The following RAB43 variants were observed in gnomAD, a reference collection of about 807,000 sequenced individuals.
The protein encoded by RAB43 is RAB43, member RAS oncogene family, also known as ras-related protein Rab-43.
A neutral mutation model predicts 18.8 loss-of-function variants in RAB43; 6 were observed. That is an observed-to-expected ratio of 0.32 (90% confidence interval 0.17 to 0.63). The LOEUF (loss-of-function observed/expected upper bound fraction) is 0.63, where lower values mean the gene tolerates loss of function less well. RAB43 is among the 30% of genes least tolerant of loss of function. The pLI, the probability that RAB43 is intolerant of heterozygous loss-of-function variation, is 0.79. For missense variants in RAB43, 195 were observed against 289.1 expected, an observed-to-expected ratio of 0.67 and a Z score of 2.36; for synonymous variants, 103 against 124.1, an observed-to-expected ratio of 0.83 and a Z score of 1.13.
At chr3:129,103,100 C>T (rs1005343669) in intron 1 of RAB43, among the ~76,000 whole-genome samples, 19 of 152,308 alleles carry the variant, frequency 1.2e-4, no homozygotes, top group East Asian at 5.8e-4. Flanking sequence ...CTCTGAGGGG[C>T]GCTGGGACTC....
chr3:129,091,168 G>C lies in RAB43; in HGVS notation c.567C>G (p.Phe189Leu). ...GGATGTGGTCGGGGCTCTTCTCGCT[G>C]AACAAGGGGCCCCCGTGCCGCATGA... ...ELIMRHGGPL[F>L]SEKSPDHIQL... The change falls in exon 3 of 3, where the codon TTC becomes TTG. Residue 189 changes from phenylalanine to leucine, a missense_variant. Coordinates refer to ENST00000315150, the MANE Select transcript of RAB43 (RefSeq NM_198490.3). 1.9e-6 allele frequency: 3 copies of C among 1,572,826 alleles called. No homozygotes were observed. The highest frequency in any genetic ancestry group is 2.6e-6 in the Non-Finnish European group (3 of 1,154,752).
intron 1 of RAB43, among the ~76,000 whole-genome samples, chr3:129,109,150 C>T (rs1281739073): frequency 1.3e-5 from 2 of 152,048 alleles, no homozygotes; most frequent in African/African-American, 2.4e-5. Context: ...GTGGCTCACA[C>T]CTGTAATCCC....
At chr3:129,114,976 A>AC (rs1216688357) in intron 1 of RAB43, among the ~76,000 whole-genome samples, 2 of 150,686 alleles carry the variant, frequency 1.3e-5, no homozygotes, top group Admixed American at 6.6e-5. Flanking sequence ...CCTGACCCCC[A>AC]CCCCCCGCAA....
chr3:129,113,555 C>A (rs1935305876), intron 1 of RAB43, among the ~76,000 whole-genome samples: 1 of 152,156 alleles, frequency 6.6e-6, no homozygotes, highest in African/African-American at 2.4e-5. Context: ...CAGGTGAAAA[C>A]CTCTAACAAG....
intron 1 of RAB43, among the ~76,000 whole-genome samples, chr3:129,114,472 G>T (rs1421006995): frequency 6.6e-6 from 1 of 152,114 alleles, no homozygotes; most frequent in Non-Finnish European, 1.5e-5. Context: ...TCTCCCACAG[G>T]GTGGCTATGA....
At chr3:129,114,803 C>T (rs1033694402) in intron 1 of RAB43, among the ~76,000 whole-genome samples, 4 of 152,204 alleles carry the variant, frequency 2.6e-5, no homozygotes, top group Non-Finnish European at 5.9e-5. Flanking sequence ...TTCCCACAAT[C>T]CCTGATCAGT....
chr3:129,101,906 C>T (rs779932605), intron 1 of RAB43, among the ~76,000 whole-genome samples: 12 of 152,206 alleles, frequency 7.9e-5, no homozygotes, highest in Admixed American at 2.0e-4. Context: ...CCAGCCACTG[C>T]TGCAGCAACC....
chr3:129,099,548 G>A (rs765480101), intron 1 of RAB43, among the ~76,000 whole-genome samples: 18 of 152,004 alleles, frequency 1.2e-4, no homozygotes, highest in Non-Finnish European at 2.4e-4. Context: ...CATCACACCC[G>A]GCTAATTTTG....
intron 1 of RAB43, among the ~76,000 whole-genome samples, chr3:129,117,593 TAAACC>T (rs1206841897): frequency 6.6e-6 from 1 of 152,240 alleles, no homozygotes; most frequent in Non-Finnish European, 1.5e-5. Flanking sequence ...TGGTTAATAA[TAAACC>T]AAACACCCTA....
rs186838565 is a variant in RAB43 at position 129,106,251 on chromosome 3, T to G, written c.205-11082A>C. 7.9e-5 allele frequency among the ~76,000 whole-genome samples: 12 copies of G among 152,328 alleles called. 1 individual carries two copies. In the East Asian group the frequency reaches 2.1e-3, roughly 27 times the overall value. On this transcript the variant is annotated intron_variant, in intron 1 of 2. Coordinates refer to ENST00000315150, the MANE Select transcript of RAB43 (RefSeq NM_198490.3). ...GAGTAACGAAGCAGGCAGTGGAAAG[T>G]TCCTTGCTTCTTCATATTAGAGAGG...
At chr3:129,115,478 T>C (rs553233648) in intron 1 of RAB43, among the ~76,000 whole-genome samples, 3 of 151,496 alleles carry the variant, frequency 2.0e-5, no homozygotes, top group African/African-American at 7.3e-5. Flanking sequence ...CACTCCAGCC[T>C]GGGCAACAAG....
rs985853947 is a variant in RAB43 at position 129,107,546 on chromosome 3, G to A, written c.205-12377C>T. Among the ~76,000 whole-genome samples the A allele has an allele frequency of 7.2e-5, 11 of 152,150 alleles. No individual in the cohort carries two copies. Among genetic ancestry groups the A allele is most frequent in the African/African-American group, 2.7e-4 (11 of 41,422 alleles). ...GGGGTAATGAGGAAACCAAGGCAGC[G>A]TGCAGGAGCTCGCGGTGGGCACCGC... On this transcript the variant is annotated intron_variant, in intron 1 of 2. Transcript: ENST00000315150. The surrounding 1 kb of genome is among the most constrained non-coding windows in gnomAD (Gnocchi z 4.2).
chr3:129,118,622 T>C (rs948793620), intron 1 of RAB43, among the ~76,000 whole-genome samples: 52 of 152,288 alleles, frequency 3.4e-4, no homozygotes, highest in Admixed American at 3.0e-3. Context: ...GGGAAAGCTT[T>C]AGGATATAAG....
At chr3:129,100,903 T>C (rs1458119984) in intron 1 of RAB43, among the ~76,000 whole-genome samples, 1 of 152,218 alleles carries the variant, frequency 6.6e-6, no homozygotes, top group African/African-American at 2.4e-5. Flanking sequence ...GTCTCCCAGG[T>C]TGAAGCGATT....
Position 129,121,331 on chromosome 3 carries a change from G to A in RAB43, c.159C>T (p.Val53=), listed in dbSNP as rs370977422. ...TCTCCAGCGTCTTCATGGTGAAGTC[G>A]ACGCCGATGGTGCTTCCCTGGCGCT... ...FSERQGSTIG[V]DFTMKTLEIQ... is the part of the protein sequence containing the mutation. Residue 53 remains valine, a synonymous_variant, in exon 1 of 3, where the codon GTC becomes GTT. Transcript: ENST00000315150. The A allele has an allele frequency of 3.1e-6, 5 of 1,610,050 alleles. No homozygotes were observed. The highest frequency in any genetic ancestry group is 4.2e-6 in the Non-Finnish European group (5 of 1,178,394).
chr3:129,109,064 C>CAAA (rs758480697), intron 1 of RAB43, among the ~76,000 whole-genome samples: 5 of 117,002 alleles, frequency 4.3e-5, no homozygotes, highest in East Asian at 4.7e-4. Flanking sequence ...GTGACTCCTA[C>CAAA]AAAAAAAAAA....
chr3:129,095,232 T>C lies in RAB43; in HGVS notation c.205-63A>G. The C allele has an allele frequency of 6.4e-7, 1 of 1,568,504 alleles. No homozygotes were observed. The highest frequency in any genetic ancestry group is 8.7e-7 in the Non-Finnish European group (1 of 1,155,610). On this transcript the variant is annotated intron_variant, in intron 1 of 2. Coordinates refer to ENST00000315150, the MANE Select transcript of RAB43 (RefSeq NM_198490.3). The surrounding 1 kb of genome is among the most constrained non-coding windows in gnomAD (Gnocchi z 4.2). The stretch of plus-strand genomic sequence containing the variant: ...AGGCTGAACATGGGGACAGGCAGAG[T>C]GACCCCACAGACCCACACCCAGAGC...
chr3:129,104,878 C>T (rs1165132167), intron 1 of RAB43, among the ~76,000 whole-genome samples: 1 of 152,174 alleles, frequency 6.6e-6, no homozygotes, highest in South Asian at 2.1e-4. Flanking sequence ...CCCTTCAGGA[C>T]CCCAGTTCAA....
chr3:129,093,668 T>C (rs1295439723), intron 2 of RAB43, among the ~76,000 whole-genome samples: 2 of 152,102 alleles, frequency 1.3e-5, no homozygotes, highest in Non-Finnish European at 2.9e-5. Context: ...GCTCTGTTCA[T>C]GCCAAGCACT....
Sources: gnomAD v4.1 joint callset for allele counts (sites outside exome capture counted in the v4.1 genomes callset) on GRCh38, gnomAD v4.1.1 for gene constraint, Gnocchi (gnomAD v3.1) non-coding constraint, MANE v1.5 for transcripts, NCBI Gene and HGNC (gene_info 2026-07-23, HGNC 2026-07-21) for gene names.